ZNF169: variants seen among roughly 807,000 people sequenced by gnomAD.
The protein encoded by ZNF169 is zinc finger protein 169.
A neutral mutation model predicts 12.0 loss-of-function variants in ZNF169; 11 were observed. The observed-to-expected ratio is 0.92, with a 90% CI of 0.58 to 1.52. ZNF169 has a LOEUF of 1.52. Ranked by LOEUF, ZNF169 falls within the 40% of genes most tolerant of loss-of-function variation. The pLI, the probability that ZNF169 is intolerant of heterozygous loss-of-function variation, is 0.00. For synonymous variants in ZNF169, 302 were observed against 286.5 expected (o/e 1.05, Z -0.55); for missense variants, 722 against 744.0 (o/e 0.97, Z 0.34).
At chr9:94,272,493 C>A (rs1406897028) in intron 1 of ZNF169, among the ~76,000 whole-genome samples, 1 of 152,060 alleles carries the variant, frequency 6.6e-6, no homozygotes, top group Admixed American at 6.6e-5. Flanking sequence ...CTGTTTCTAT[C>A]AGTTTAATTA....
rs746468964 is a variant in ZNF169 at position 94,301,204 on chromosome 9, G to A, written c.1646G>A (p.Arg549His). ...CCCTGCATTTGCGATGAATGTGGGC[G>A]CGGCTTTGGCTTTAAGTCTGCCCTC... ...EKPCICDECG[R>H]GFGFKSALIR... Residue 549 changes from arginine (R) to histidine (H), a missense_variant, in exon 5 of 5, where the codon CGC becomes CAC. Coordinates refer to ENST00000395395, the MANE Select transcript of ZNF169 (RefSeq NM_194320.4). The A allele has an allele frequency of 1.1e-5, 18 of 1,614,022 alleles. No individual in the cohort carries two copies. The highest frequency in any genetic ancestry group is 8.0e-5 in the African/African-American group (6 of 74,902).
At chr9:94,273,719 A>C (rs983149699) in intron 1 of ZNF169, among the ~76,000 whole-genome samples, 1 of 151,650 alleles carries the variant, frequency 6.6e-6, no homozygotes, top group African/African-American at 2.4e-5. Context: ...AGCTGGGACT[A>C]CAGGCACCTG....
At chr9:94,266,573 G>A (rs1455474823) in intron 1 of ZNF169, among the ~76,000 whole-genome samples, 1 of 152,100 alleles carries the variant, frequency 6.6e-6, no homozygotes, top group African/African-American at 2.4e-5. Context: ...TCAGTTCACA[G>A]GGCTTCAAGA....
intron 2 of ZNF169, among the ~76,000 whole-genome samples, chr9:94,290,351 ATT>A: frequency 6.6e-6 from 1 of 152,254 alleles, no homozygotes; most frequent in South Asian, 2.1e-4. Flanking sequence ...ACTTTCCAGA[ATT>A]TTTTCATTAT....
intron 2 of ZNF169, among the ~76,000 whole-genome samples, chr9:94,291,583 G>A (rs1281172477): frequency 1.3e-5 from 2 of 151,864 alleles, no homozygotes; most frequent in Non-Finnish European, 2.9e-5. Context: ...AGGAACGAAG[G>A]GAAAAAAAGC....
At chr9:94,263,716 A>G (rs1220263091) in intron 1 of ZNF169, among the ~76,000 whole-genome samples, 2 of 151,606 alleles carry the variant, frequency 1.3e-5, no homozygotes, top group Non-Finnish European at 2.9e-5. Context: ...TGGAATGCGT[A>G]TTTCATGTAA....
rs1227909856 is a variant in ZNF169, at chr9:94,300,510, T to C, written c.952T>C (p.Phe318Leu). 2.5e-6 allele frequency: 4 copies of C among 1,614,172 alleles called. No homozygotes were observed. The highest frequency in any genetic ancestry group is 3.4e-6 in the Non-Finnish European group (4 of 1,180,022). Reference protein sequence around the residue: ...HKRIHSGERPFVCQECGRGFR... With the variant: ...HKRIHSGERPLVCQECGRGFR... ...GAGGATTCACTCCGGGGAGAGGCCC[T>C]TTGTATGTCAGGAGTGTGGGCGAGG... The change falls in exon 5 of 5, where the codon TTT (phenylalanine) becomes CTT (leucine). Residue 318 changes from phenylalanine to leucine, a missense_variant. By Grantham distance (22) the Phe-to-Leu change is conservative (BLOSUM62 0). Transcript: ENST00000395395.
chr9:94,300,205 A>G lies in ZNF169; in HGVS notation c.647A>G (p.Asn216Ser), dbSNP rs1427482063. The G allele has an allele frequency of 1.2e-6, 2 of 1,614,062 alleles. No individual in the cohort carries two copies. The highest frequency in any genetic ancestry group is 1.3e-5 in the African/African-American group (1 of 74,930). ...GAATCTGGAGCAGTCATACGTGGAA[A>G]CTATAGACTGGGACTTAGCAAAAAG... ...TSESGAVIRGNYRLGLSKKSS... is the reference protein window; with the variant it reads ...TSESGAVIRGSYRLGLSKKSS... The change falls in exon 5 of 5, where the codon AAC (asparagine) becomes AGC (serine). Residue 216 changes from asparagine (N) to serine (S), a missense_variant. By Grantham distance (46) the Asn-to-Ser change is conservative. Coordinates refer to ENST00000395395, the MANE Select transcript of ZNF169 (RefSeq NM_194320.4).
At chr9:94,264,252 TC>T (rs1393479719) in intron 1 of ZNF169, among the ~76,000 whole-genome samples, 2 of 152,184 alleles carry the variant, frequency 1.3e-5, no homozygotes, top group Non-Finnish European at 2.9e-5. Flanking sequence ...TTCTCCTGTC[TC>T]AGCTTCCGAG....
chr9:94,271,504 T>C (rs1830420845), intron 1 of ZNF169, among the ~76,000 whole-genome samples: 1 of 151,974 alleles, frequency 6.6e-6, no homozygotes, highest in African/African-American at 2.4e-5. Flanking sequence ...GGCAGATCAC[T>C]CGGTCAAAAG....
chr9:94,287,198 T>G (rs1415565257), intron 2 of ZNF169, among the ~76,000 whole-genome samples: 1 of 152,154 alleles, frequency 6.6e-6, no homozygotes, highest in Non-Finnish European at 1.5e-5. Context: ...GAAAGAACCT[T>G]TTTTGGAATT....
intron 1 of ZNF169, among the ~76,000 whole-genome samples, chr9:94,264,857 T>G (rs1449071866): frequency 6.6e-6 from 1 of 152,138 alleles, no homozygotes; most frequent in Non-Finnish European, 1.5e-5. Context: ...TCCTTTTTAT[T>G]GTATTTTGTT....
chr9:94,299,799 A>C lies in ZNF169; in HGVS notation c.257-16A>C, dbSNP rs753654448. ...GTCACCTGTGGTGATTCTGACCAAG[A>C]CTTTCTCTCTAGCAGAGCCTAGAAC... On this transcript the variant is annotated splice_polypyrimidine_tract_variant and intron_variant, in intron 4 of 4. Coordinates refer to ENST00000395395, the MANE Select transcript of ZNF169 (RefSeq NM_194320.4). 2.5e-6 allele frequency: 4 copies of C among 1,595,556 alleles called. No homozygotes were observed. Among genetic ancestry groups the C allele is most frequent in the Non-Finnish European group, 3.4e-6 (4 of 1,171,032 alleles).
In ZNF169 at chr9:94,299,922, A is replaced by G. The variant is rs1831021208; in HGVS notation, c.364A>G (p.Ser122Gly). The change falls in exon 5 of 5, where the codon AGC becomes GGC. Residue 122 changes from serine to glycine, a missense_variant. Transcript: ENST00000395395. ...TGGCCATCCCACACAGATCTTCCCA[A>G]GCTCATCTGCAGGAGGTGACTTCCA... is the stretch of plus-strand genomic sequence containing the variant. ...LSGHPTQIFP[S>G]SSAGGDFQLE... The G allele has an allele frequency of 2.5e-6, 4 of 1,614,018 alleles. No individual in the cohort carries two copies. The highest frequency in any genetic ancestry group is 4.5e-5 in the East Asian group (2 of 44,880).
At chr9:94,284,667 T>G (rs963958788) in intron 2 of ZNF169, among the ~76,000 whole-genome samples, 2 of 152,086 alleles carry the variant, frequency 1.3e-5, no homozygotes, top group Non-Finnish European at 2.9e-5. Flanking sequence ...AATAAAATAC[T>G]TAGTGATAAA....
At chr9:94,272,389 C>T (rs1314275633) in intron 1 of ZNF169, among the ~76,000 whole-genome samples, 1 of 152,064 alleles carries the variant, frequency 6.6e-6, no homozygotes, top group Non-Finnish European at 1.5e-5. Flanking sequence ...AGCTCTAGAA[C>T]TTTTTCATCT....
intron 4 of ZNF169, among the ~76,000 whole-genome samples, chr9:94,298,367 C>T (rs1208615095): frequency 6.6e-6 from 1 of 152,084 alleles, no homozygotes; most frequent in East Asian, 1.9e-4. Flanking sequence ...CTATTGAGGG[C>T]TGTCCCATAA....
At chr9:94,293,232 C>T (rs1830885446) in intron 4 of ZNF169, 163 bp downstream of exon 4, 1 of 682,274 alleles carries the variant, frequency 1.5e-6, no homozygotes, top group African/African-American at 1.8e-5. Context: ...CACTGTGTGC[C>T]TCCCCCCAGG....
intron 4 of ZNF169, chr9:94,295,686 G>T (rs983432063): frequency 6.6e-6 from 1 of 152,078 alleles, no homozygotes; most frequent in Non-Finnish European, 1.5e-5. Context: ...CTCAGCATAA[G>T]TATTTTGAAT....
Sources: allele counts gnomAD v4.1 joint callset (sites outside exome capture counted in the v4.1 genomes callset), GRCh38; gene constraint gnomAD v4.1.1; transcripts MANE v1.5; gene names NCBI Gene and HGNC (gene_info 2026-07-23, HGNC 2026-07-21).